Variants in LMX1B observed in about 807,000 individuals in gnomAD.
The protein encoded by LMX1B is LIM homeobox transcription factor 1-beta.
LMX1B carries 12 observed loss-of-function variants against 51.4 expected under a neutral mutation model. The observed-to-expected ratio is 0.23, with a 90% CI of 0.15 to 0.38. LMX1B has a LOEUF of 0.38. Among genes scored for constraint, LMX1B ranks in the 10% least tolerant of loss-of-function variants. The pLI is 1.00. For synonymous variants in LMX1B, 237 were observed against 235.4 expected (o/e 1.01, Z -0.06); for missense variants, 445 against 571.1 (o/e 0.78, Z 2.25).
At chr9:126,654,963 A>ACC (rs1836085261) in intron 2 of LMX1B, among the ~76,000 whole-genome samples, 1 of 151,586 alleles carries the variant, frequency 6.6e-6, no homozygotes, top group South Asian at 2.1e-4. Flanking sequence ...TCACTGCCAT[A>ACC]CCCCCATCCC....
At chr9:126,617,805 G>A (rs917838610) in intron 2 of LMX1B, among the ~76,000 whole-genome samples, 3 of 151,158 alleles carry the variant, frequency 2.0e-5, no homozygotes, top group African/African-American at 7.3e-5. Flanking sequence ...GGTGGGGAGT[G>A]CATTATTCTA....
intron 2 of LMX1B, among the ~76,000 whole-genome samples, chr9:126,674,233 AAT>A (rs1326940371): frequency 5.3e-5 from 8 of 152,110 alleles, no homozygotes; most frequent in Admixed American, 6.5e-5. Flanking sequence ...CTAGGGGCAG[AAT>A]ATGTCTCTGA....
chr9:126,691,165 C>T, intron 3 of LMX1B, 97 bp downstream of exon 3: 1 of 867,228 alleles, frequency 1.2e-6, no homozygotes, highest in South Asian at 1.5e-5. Context: ...CTCCTGCTTC[C>T]AGGACCTGAG....
intron 2 of LMX1B, among the ~76,000 whole-genome samples, chr9:126,679,784 C>T (rs1266991716): frequency 6.6e-6 from 1 of 152,264 alleles, no homozygotes; most frequent in East Asian, 1.9e-4. Flanking sequence ...TTCAACTTCT[C>T]CCTCCCAGAA....
intron 2 of LMX1B, among the ~76,000 whole-genome samples, chr9:126,623,920 G>A (rs1264185636): frequency 6.6e-6 from 1 of 152,218 alleles, no homozygotes. Context: ...CCCACCTCTC[G>A]GCGGTTCGTG....
chr9:126,645,292 C>CA (rs77814497), intron 2 of LMX1B, among the ~76,000 whole-genome samples: 10,202 of 152,298 alleles, frequency 0.067, 848 homozygotes, highest in East Asian at 0.36. Context: ...TGGGCCTAGT[C>CA]AGCCCTGTGG....
chr9:126,621,703 A>G lies in LMX1B; in HGVS notation c.326+6134A>G, dbSNP rs538554649. On this transcript the variant is annotated intron_variant, in intron 2 of 7. Transcript: ENST00000373474. Reference sequence around the variant, plus strand: ...TTTTGCAGTAAATGTTTATTTGTTGATAATAGACTTTAAACAGCCTAGCCT... The same window carrying G: ...TTTTGCAGTAAATGTTTATTTGTTGGTAATAGACTTTAAACAGCCTAGCCT... Among the ~76,000 whole-genome samples the G allele has an allele frequency of 2.7e-4, 33 of 123,338 alleles. No individual in the cohort carries two copies. In the South Asian group the frequency reaches 6.5e-3, roughly 24 times the overall value. The allele number at this position is 123,338 out of a possible 152,430, so 80.9% of individuals were successfully genotyped here.
At chr9:126,627,692 A>G (rs1295560739) in intron 2 of LMX1B, among the ~76,000 whole-genome samples, 1 of 152,110 alleles carries the variant, frequency 6.6e-6, no homozygotes, top group East Asian at 1.9e-4. Context: ...AGTTGAGTGC[A>G]GCAGGGCCAC....
chr9:126,619,762 TC>T (rs1835374102), intron 2 of LMX1B, among the ~76,000 whole-genome samples: 2 of 152,206 alleles, frequency 1.3e-5, no homozygotes, highest in Non-Finnish European at 2.9e-5. Context: ...TGGCTCACCC[TC>T]GACTCCCCGG....
intron 2 of LMX1B, among the ~76,000 whole-genome samples, chr9:126,683,955 G>C (rs975309408): frequency 6.6e-6 from 1 of 152,074 alleles, no homozygotes; most frequent in African/African-American, 2.4e-5. Context: ...GTGCCTCTCT[G>C]CTTGCCCAGC....
chr9:126,635,878 A>G (rs1835705876), intron 2 of LMX1B, among the ~76,000 whole-genome samples: 2 of 152,126 alleles, frequency 1.3e-5, no homozygotes, highest in Admixed American at 6.5e-5. Flanking sequence ...TTAACTGAAC[A>G]CTTGCAGGCT....
At position 126,626,177 on chromosome 9, in the gene LMX1B, G is replaced by A. The variant is rs1835526295; in HGVS notation, c.326+10608G>A. Among the ~76,000 whole-genome samples the A allele has an allele frequency of 6.6e-6, 1 of 152,204 alleles. No homozygotes were observed. The highest frequency in any genetic ancestry group is 2.4e-5 in the African/African-American group (1 of 41,466). The stretch of plus-strand genomic sequence containing the variant: ...TCCTATTAGAACTCGTAGAGGATCC[G>A]CTCTGGAGTCCCCGTGCGCCCTGGC... On this transcript the variant is annotated intron_variant, in intron 2 of 7. Transcript: ENST00000373474. The surrounding 1 kb of genome is among the most constrained non-coding windows in gnomAD (Gnocchi z 4.3).
chr9:126,693,457 C>G, intron 4 of LMX1B, 67 bp from the exon 5 acceptor site: 7 of 1,576,902 alleles, frequency 4.4e-6, no homozygotes, highest in Non-Finnish European at 6.1e-6. Flanking sequence ...CCATCATACC[C>G]CTAAACCCAC....
At chr9:126,691,677 C>T (rs2030138580) in intron 3 of LMX1B, among the ~76,000 whole-genome samples, 1 of 152,164 alleles carries the variant, frequency 6.6e-6, no homozygotes, top group South Asian at 2.1e-4. Context: ...CAGGGGTCTT[C>T]ACCAGCACCC....
chr9:126,659,587 G>A (rs1227646717), intron 2 of LMX1B, among the ~76,000 whole-genome samples: 2 of 152,198 alleles, frequency 1.3e-5, no homozygotes, highest in African/African-American at 4.8e-5. Flanking sequence ...CTTAGAGATT[G>A]TCCTGTATGT....
chr9:126,685,576 G>A (rs1187702715), intron 2 of LMX1B, among the ~76,000 whole-genome samples: 1 of 152,184 alleles, frequency 6.6e-6, no homozygotes, highest in Non-Finnish European at 1.5e-5. Flanking sequence ...GCCTTGAGGA[G>A]TGGAAGAGGT....
At chr9:126,617,122 T>C (rs955222475) in intron 2 of LMX1B, among the ~76,000 whole-genome samples, 3 of 152,222 alleles carry the variant, frequency 2.0e-5, no homozygotes, top group Non-Finnish European at 2.9e-5. Context: ...AGCCCAAGCA[T>C]AGAGCAGCAC....
intron 2 of LMX1B, among the ~76,000 whole-genome samples, chr9:126,643,573 A>T (rs1012170134): frequency 6.6e-6 from 1 of 152,214 alleles, no homozygotes; most frequent in Non-Finnish European, 1.5e-5. Context: ...TCAACAAATT[A>T]GGTGTACATA....
Position 126,661,970 on chromosome 9 carries a change from C to T in LMX1B, c.327-28866C>T, listed in dbSNP as rs556533739. 2.6e-5 allele frequency among the ~76,000 whole-genome samples: 4 copies of T among 152,304 alleles called. No individual in the cohort carries two copies. The East Asian group carries it at 5.8e-4, about 22-fold the overall frequency. On this transcript the variant is annotated intron_variant, in intron 2 of 7. Transcript: ENST00000373474. ...ATCAACAATGCAGGGATTGTGGAGG[C>T]GGAACTGCAGCAGGAAGGGGCCTTT...
Sources: gnomAD v4.1 joint callset for allele counts (sites outside exome capture counted in the v4.1 genomes callset) on GRCh38, gnomAD v4.1.1 for gene constraint, Gnocchi (gnomAD v3.1) non-coding constraint, MANE v1.5 for transcripts, NCBI Gene and HGNC (gene_info 2026-07-23, HGNC 2026-07-21) for gene names.